Variants in MIB1 observed in about 807,000 individuals in gnomAD.
The protein encoded by MIB1 is MIB E3 ubiquitin protein ligase 1, also known as E3 ubiquitin-protein ligase MIB1.
A neutral mutation model predicts 124.5 loss-of-function variants in MIB1; 278 were observed. The ratio of observed to expected loss-of-function variants is 2.23; its 90% CI spans 2.02 to 2.47. MIB1 has a LOEUF of 2.47. MIB1 is among the 30% of genes most tolerant of loss of function. MIB1 has a pLI of 0.00. For synonymous variants in MIB1, 446 were observed against 429.4 expected, an observed-to-expected ratio of 1.04 and a Z score of -0.48; for missense variants, 957 against 1,254.4, an observed-to-expected ratio of 0.76 and a Z score of 3.58.
At chr18:21,802,612 C>T (rs549393619) in intron 9 of MIB1, among the ~76,000 whole-genome samples, 15 of 152,082 alleles carry the variant, frequency 9.9e-5, no homozygotes, top group Non-Finnish European at 1.9e-4. Flanking sequence ...TTTTCTTGTG[C>T]CTGCTTAAGT....
chr18:21,840,385 A>C (rs1243035761), intron 13 of MIB1, among the ~76,000 whole-genome samples: 1 of 152,056 alleles, frequency 6.6e-6, no homozygotes, highest in Non-Finnish European at 1.5e-5. Flanking sequence ...GGCTAAACCA[A>C]GTAGATATCC....
intron 6 of MIB1, among the ~76,000 whole-genome samples, chr18:21,787,285 A>G (rs1341695311): frequency 1.3e-5 from 2 of 152,086 alleles, no homozygotes; most frequent in African/African-American, 4.8e-5. Context: ...CTGGTTAGGG[A>G]TTTATGGCCA....
At chr18:21,708,659 A>C (rs1362093723) in intron 1 of MIB1, among the ~76,000 whole-genome samples, 1 of 152,116 alleles carries the variant, frequency 6.6e-6, no homozygotes, top group African/African-American at 2.4e-5. Flanking sequence ...TGCCTGAAAA[A>C]ACCCAAAAAA....
At chr18:21,808,533 T>C (rs747665654) in intron 10 of MIB1, among the ~76,000 whole-genome samples, 13 of 152,230 alleles carry the variant, frequency 8.5e-5, no homozygotes, top group Non-Finnish European at 1.9e-4. Flanking sequence ...TAAGCTGTTA[T>C]CAAACAATTA....
chr18:21,773,126 C>T (rs2041240981), intron 3 of MIB1, among the ~76,000 whole-genome samples: 2 of 151,912 alleles, frequency 1.3e-5, no homozygotes, highest in African/African-American at 2.4e-5. Context: ...ATTAGCCAGG[C>T]GTGGTGACAG....
Position 21,741,676 on chromosome 18 carries a change from CG to C in MIB1, c.95del (p.Gly32AlafsTer19), listed in dbSNP as rs1287897147. On this transcript the variant is annotated frameshift_variant, in exon 1 of 21. Coordinates refer to ENST00000261537, the MANE Select transcript of MIB1 (RefSeq NM_020774.4). LOFTEE classifies it high-confidence loss of function. The surrounding 1 kb of genome is among the most constrained non-coding windows in gnomAD (Gnocchi z 5.4). ...ACTGGAAGTGGGGGAAGCAGGACGG[CG>C]GCGAGGGCCATGTGGGCACCGTCCG... Reference protein sequence around the residue: ...PDWKWGKQDGGEGHVGTVRSF... With the variant: ...PDWKWGKQDGXEGHVGTVRSF... 4.3e-6 allele frequency: 7 copies of C among 1,610,950 alleles called. No homozygotes were observed. Among genetic ancestry groups the C allele is most frequent in the Non-Finnish European group, 8.5e-7 (1 of 1,179,226 alleles).
chr18:21,807,688 GA>G (rs2041724246), intron 10 of MIB1, among the ~76,000 whole-genome samples: 1 of 152,152 alleles, frequency 6.6e-6, no homozygotes, highest in South Asian at 2.1e-4. Context: ...ATGTCCTACA[GA>G]GCTCAGGACA....
chr18:21,849,079 T>C (rs1427048360), intron 16 of MIB1, 117 bp from the exon 17 acceptor site: 1 of 658,814 alleles, frequency 1.5e-6, no homozygotes, highest in Non-Finnish European at 2.4e-6. Flanking sequence ...TAAAGCTTAA[T>C]TTTTTAATAT....
chr18:21,727,385 G>C (rs987296410), intron 1 of MIB1, among the ~76,000 whole-genome samples: 1 of 152,092 alleles, frequency 6.6e-6, no homozygotes, highest in Non-Finnish European at 1.5e-5. Flanking sequence ...CGCCCACCTC[G>C]GCCTCCCAGA....
chr18:21,716,590 G>A (rs1380822385), intron 1 of MIB1, among the ~76,000 whole-genome samples: 8 of 152,190 alleles, frequency 5.3e-5, no homozygotes, highest in Non-Finnish European at 1.0e-4. Flanking sequence ...GGTGGCTCAC[G>A]CCTGTAATCT....
intron 3 of MIB1, among the ~76,000 whole-genome samples, chr18:21,772,592 T>C (rs2041234864): frequency 2.0e-5 from 3 of 152,208 alleles, no homozygotes; most frequent in Non-Finnish European, 4.4e-5. Flanking sequence ...ATTTGAAATC[T>C]AAAACATTTC....
At chr18:21,742,096 G>A (rs1743043155) in intron 1 of MIB1, among the ~76,000 whole-genome samples, 2 of 152,254 alleles carry the variant, frequency 1.3e-5, no homozygotes, top group Admixed American at 1.3e-4. Flanking sequence ...ACAGACACAG[G>A]TCCCCCAACC....
chr18:21,831,311 A>T (rs1223933971), intron 12 of MIB1: 1 of 135,904 alleles, frequency 7.4e-6, no homozygotes, highest in African/African-American at 2.8e-5. Flanking sequence ...GTAGAGCTGT[A>T]GTGAAGCTAC....
chr18:21,829,503 A>G (rs898097261), intron 12 of MIB1: 1 of 152,298 alleles, frequency 6.6e-6, no homozygotes, highest in Non-Finnish European at 1.5e-5. Flanking sequence ...TACAAACTAG[A>G]TATCTTACTC....
chr18:21,789,043 G>A (rs2041471134), intron 6 of MIB1, among the ~76,000 whole-genome samples: 1 of 152,110 alleles, frequency 6.6e-6, no homozygotes, highest in African/African-American at 2.4e-5. Flanking sequence ...GTTTCCTAGG[G>A]CTGCTATAAC....
At chr18:21,749,641 C>CTTTTTTTTTTTT (rs10653364) in intron 1 of MIB1, among the ~76,000 whole-genome samples, 7 of 114,558 alleles carry the variant, frequency 6.1e-5, no homozygotes, top group East Asian at 2.5e-4. Flanking sequence ...CTACCTTACT[C>CTTTTTTTTTTTT]TTTTTTTTTT....
intron 13 of MIB1, among the ~76,000 whole-genome samples, chr18:21,841,762 C>A (rs1197237500): frequency 2.6e-5 from 4 of 152,068 alleles, no homozygotes; most frequent in African/African-American, 9.7e-5. Context: ...CAAGCAAATA[C>A]TTGTACTAAA....
intron 16 of MIB1, among the ~76,000 whole-genome samples, chr18:21,848,379 G>A (rs185306147): frequency 1.0e-4 from 15 of 150,714 alleles, no homozygotes; most frequent in African/African-American, 3.4e-4. Flanking sequence ...ACCGGGAGGC[G>A]GAGGTTGCAG....
At chr18:21,861,617 G>A (rs1265414446) in intron 20 of MIB1, among the ~76,000 whole-genome samples, 1 of 150,474 alleles carries the variant, frequency 6.6e-6, no homozygotes, top group African/African-American at 2.4e-5. Flanking sequence ...GAGGAATGAT[G>A]GGATTTCTTA....
Sources: allele counts gnomAD v4.1 joint callset (sites outside exome capture counted in the v4.1 genomes callset), GRCh38; gene constraint gnomAD v4.1.1; non-coding constraint Gnocchi (gnomAD v3.1); transcripts MANE v1.5; gene names NCBI Gene and HGNC (gene_info 2026-07-23, HGNC 2026-07-21).